The following FBXO4 variants were observed in gnomAD, a reference collection of about 807,000 sequenced individuals.
The protein encoded by FBXO4 is F-box protein 4.
Under a neutral mutation model 43.7 loss-of-function variants are expected in FBXO4, and 36 were observed. The ratio of observed to expected loss-of-function variants is 0.82; its 90% CI spans 0.63 to 1.09. The LOEUF (loss-of-function observed/expected upper bound fraction) is 1.09. FBXO4 is among the 50% of genes least tolerant of loss of function. The pLI is 0.00. For missense variants in FBXO4, 435 were observed against 474.1 expected, an observed-to-expected ratio of 0.92 and a Z score of 0.77; for synonymous variants, 180 against 165.6, an observed-to-expected ratio of 1.09 and a Z score of -0.67.
At chr5:41,951,850 G>A in the FBXO4 span, 23 of 224,232 alleles carry the variant, frequency 1.0e-4, no homozygotes, top group African/African-American at 5.1e-4. Context: ...CTCCTGTAAG[G>A]CTGCCTGGAT....
the FBXO4 span, among the ~76,000 whole-genome samples, chr5:42,014,004 A>T: frequency 2.6e-5 from 4 of 152,210 alleles, no homozygotes; most frequent in African/African-American, 9.6e-5. Flanking sequence ...ACCATATGAT[A>T]GGACAACCAC....
the FBXO4 span, among the ~76,000 whole-genome samples, chr5:42,012,790 G>A: frequency 1.1e-4 from 16 of 152,150 alleles, no homozygotes; most frequent in Non-Finnish European, 1.9e-4. Flanking sequence ...TCTGGCTCTG[G>A]GCTTCAGTTT....
At chr5:41,981,494 C>T in the FBXO4 span, among the ~76,000 whole-genome samples, 2 of 150,572 alleles carry the variant, frequency 1.3e-5, no homozygotes, top group Non-Finnish European at 1.5e-5. Flanking sequence ...TTTCAAGGAA[C>T]ATTTATATGG....
At chr5:41,970,145 A>G in the FBXO4 span, among the ~76,000 whole-genome samples, 1 of 152,118 alleles carries the variant, frequency 6.6e-6, no homozygotes, top group Non-Finnish European at 1.5e-5. Context: ...CTCATTTAAA[A>G]TATTGAGAAT....
the FBXO4 span, among the ~76,000 whole-genome samples, chr5:42,008,945 T>G: frequency 1.3e-5 from 2 of 152,302 alleles, no homozygotes; most frequent in East Asian, 3.9e-4. Flanking sequence ...GTCTGCCATT[T>G]TCTCTTTTCT....
chr5:41,957,806 A>G, the FBXO4 span, among the ~76,000 whole-genome samples: 1 of 152,036 alleles, frequency 6.6e-6, no homozygotes, highest in Non-Finnish European at 1.5e-5. Flanking sequence ...TTTATATTGG[A>G]AATTTGATAT....
the FBXO4 span, among the ~76,000 whole-genome samples, chr5:41,952,590 C>A: frequency 2.6e-5 from 4 of 152,224 alleles, no homozygotes; most frequent in African/African-American, 9.6e-5. Context: ...GAACTTTGTG[C>A]CTTTTAGCTG....
the FBXO4 span, among the ~76,000 whole-genome samples, chr5:41,953,063 G>T: frequency 6.6e-6 from 1 of 151,660 alleles, no homozygotes; most frequent in Non-Finnish European, 1.5e-5. Flanking sequence ...AGTTACATAT[G>T]TATACATGTG....
intron 6 of FBXO4, among the ~76,000 whole-genome samples, chr5:41,939,953 G>T (rs903740544): frequency 6.9e-6 from 1 of 145,628 alleles, no homozygotes; most frequent in African/African-American, 2.6e-5. Context: ...GGGCTCAGGT[G>T]ATCCCTCCAC....
chr5:41,940,979 G>A (rs762404656), intron 6 of FBXO4, among the ~76,000 whole-genome samples: 3 of 152,082 alleles, frequency 2.0e-5, no homozygotes, highest in Non-Finnish European at 4.4e-5. Flanking sequence ...GAATTCCAAG[G>A]CAAATAAACT....
the FBXO4 span, among the ~76,000 whole-genome samples, chr5:41,974,804 G>T: frequency 6.6e-6 from 1 of 152,074 alleles, no homozygotes. Flanking sequence ...GTGTATGCAT[G>T]TGTGTTTTAT....
the FBXO4 span, among the ~76,000 whole-genome samples, chr5:41,947,756 T>TTA: frequency 6.6e-6 from 1 of 152,138 alleles, no homozygotes; most frequent in African/African-American, 2.4e-5. Context: ...AGAAAGCTTA[T>TTA]AGTTTAAGGT....
chr5:41,998,778 C>A, the FBXO4 span, among the ~76,000 whole-genome samples: 1 of 152,150 alleles, frequency 6.6e-6, no homozygotes, highest in Non-Finnish European at 1.5e-5. Flanking sequence ...TATGCATGCA[C>A]CTTTGGTTGC....
the FBXO4 span, among the ~76,000 whole-genome samples, chr5:41,965,823 C>G: frequency 1.3e-5 from 2 of 152,136 alleles, no homozygotes; most frequent in East Asian, 3.9e-4. Flanking sequence ...GATTATAAAT[C>G]GTGCTGCTAT....
the FBXO4 span, among the ~76,000 whole-genome samples, chr5:41,960,996 T>C: frequency 3.3e-5 from 5 of 152,046 alleles, no homozygotes; most frequent in South Asian, 1.0e-3. Flanking sequence ...TCTTCTTGCC[T>C]TCTATTGATG....
the FBXO4 span, among the ~76,000 whole-genome samples, chr5:41,995,880 A>G: frequency 6.6e-6 from 1 of 152,226 alleles, no homozygotes; most frequent in African/African-American, 2.4e-5. Flanking sequence ...TGCAAAGTGC[A>G]CAACTAGTTG....
At chr5:41,998,623 A>G in the FBXO4 span, among the ~76,000 whole-genome samples, 1 of 152,218 alleles carries the variant, frequency 6.6e-6, no homozygotes, top group African/African-American at 2.4e-5. Context: ...CAGTAAATTC[A>G]GCCTGATCCA....
the FBXO4 span, among the ~76,000 whole-genome samples, chr5:42,022,457 A>G: frequency 6.6e-6 from 1 of 152,112 alleles, no homozygotes; most frequent in Non-Finnish European, 1.5e-5. Flanking sequence ...TAGCCAGAAA[A>G]TATTCAATTT....
chr5:42,014,697 A>G, the FBXO4 span, among the ~76,000 whole-genome samples: 1 of 152,142 alleles, frequency 6.6e-6, no homozygotes, highest in Non-Finnish European at 1.5e-5. Flanking sequence ...AGAAAGCTCA[A>G]TTGTTTAGCT....
Sources: gnomAD v4.1 joint callset for allele counts (sites outside exome capture counted in the v4.1 genomes callset) on GRCh38, gnomAD v4.1.1 for gene constraint, MANE v1.5 for transcripts, NCBI Gene and HGNC (gene_info 2026-07-23, HGNC 2026-07-21) for gene names.